Variants in ALPK3 observed in about 807,000 individuals in gnomAD.
ALPK3 encodes the protein alpha-protein kinase 3.
A neutral mutation model predicts 140.0 loss-of-function variants in ALPK3; 102 were observed. The ratio of observed to expected loss-of-function variants is 0.73; its 90% confidence interval spans 0.62 to 0.86. The LOEUF is 0.86. Among genes scored for constraint, ALPK3 ranks in the 40% least tolerant of loss-of-function variants. ALPK3 has a pLI of 0.00. For synonymous variants in ALPK3, 938 were observed against 898.5 expected, an observed-to-expected ratio of 1.04 and a Z score of -0.79; for missense variants, 2,254 against 2,208.2, an observed-to-expected ratio of 1.02 and a Z score of -0.42.
chr15:84,823,945 G>A (rs1288074453), intron 2 of ALPK3, among the ~76,000 whole-genome samples: 1 of 152,200 alleles, frequency 6.6e-6, no homozygotes, highest in African/African-American at 2.4e-5. Flanking sequence ...CTGGCTCCAA[G>A]GGATCCTCCT....
chr15:84,823,447 C>A, intron 2 of ALPK3, 79 bp downstream of exon 2: 1 of 1,501,696 alleles, frequency 6.7e-7, no homozygotes, highest in Non-Finnish European at 9.3e-7. Context: ...AGTGTCTGCT[C>A]GTGCACTAAC....
At chr15:84,860,096 C>T (rs764883944) in intron 9 of ALPK3, 24 bp downstream of exon 9, 23 of 1,613,464 alleles carry the variant, frequency 1.4e-5, no homozygotes, top group Middle Eastern at 1.6e-4. Context: ...CTGGGGAAGG[C>T]GGGGTGGTCC....
At position 84,873,254 on chromosome 15, in the gene ALPK3, C is replaced by T. The variant is rs1475130627; in HGVS notation, c.*4798C>T. On this transcript the variant is annotated 3_prime_UTR_variant, in exon 14 of 14. Transcript: ENST00000258888. ...AGGGGGTTGATGGGCTGGGTGCATG[C>T]CAGGGACCCAATCAAGCATTTTTAT... The T allele has an allele frequency of 6.6e-6, 1 of 152,150 alleles. No homozygotes were observed. Among genetic ancestry groups the T allele is most frequent in the East Asian group, 1.9e-4 (1 of 5,196 alleles). The allele number at this position is 152,150 out of a possible 1,614,324, so 9.4% of individuals were successfully genotyped here.
intron 3 of ALPK3, among the ~76,000 whole-genome samples, chr15:84,837,823 C>T (rs1462403583): frequency 6.6e-6 from 1 of 152,234 alleles, no homozygotes; most frequent in African/African-American, 2.4e-5. Context: ...CCATCTCTCA[C>T]TGTAGTGTTT....
At position 84,868,255 on chromosome 15, in the gene ALPK3, C is replaced by T. The variant is rs1193979581; in HGVS notation, c.4917C>T (p.Gly1639=). The change falls in exon 14 of 14, where the codon GGC becomes GGT. Residue 1639 remains glycine, a synonymous_variant. Coordinates refer to ENST00000258888, the MANE Select transcript of ALPK3 (RefSeq NM_020778.5). ...EAAHPQAKAK[G]SKSPSAGRKG... is the part of the protein sequence containing the mutation. ...CCCACCCCCAAGCCAAAGCCAAAGGCTCTAAGAGTCCATCTGCTGGCAGGA... is the reference window on the plus strand; with the variant it reads ...CCCACCCCCAAGCCAAAGCCAAAGGTTCTAAGAGTCCATCTGCTGGCAGGA... The T allele has an allele frequency of 2.5e-6, 4 of 1,614,070 alleles. No individual in the cohort carries two copies. Among genetic ancestry groups the T allele is most frequent in the Non-Finnish European group, 3.4e-6 (4 of 1,180,024 alleles).
At position 84,857,129 on chromosome 15, in the gene ALPK3, C is replaced by A. The variant is rs368089654; in HGVS notation, c.2391C>A (p.Asn797Lys). 7 of 1,614,038 alleles carry A rather than the reference C, an allele frequency of 4.3e-6. No individual in the cohort carries two copies. The highest frequency in any genetic ancestry group is 5.9e-6 in the Non-Finnish European group (7 of 1,179,996). ...EQTVLGPLSG[N>K]LMLPAQPPHE... ...CTGTGCTGGGTCCCCTGTCAGGGAA[C>A]CTCATGCTCCCAGCACAGCCGCCCC... The change falls in exon 6 of 14, where the codon AAC (asparagine) becomes AAA (lysine). Residue 797 changes from asparagine (N) to lysine (K), a missense_variant. By Grantham distance (94) the Asn-to-Lys change is moderately conservative (BLOSUM62 0). Coordinates refer to ENST00000258888, the MANE Select transcript of ALPK3 (RefSeq NM_020778.5).
chr15:84,846,248 A>G (rs899888130), intron 5 of ALPK3, among the ~76,000 whole-genome samples: 10 of 152,380 alleles, frequency 6.6e-5, no homozygotes, highest in African/African-American at 2.4e-4. Context: ...AACAAGAATC[A>G]GAGTCTTGTA....
At position 84,862,845 on chromosome 15, in the gene ALPK3, C is replaced by T; in HGVS notation, c.4340C>T (p.Ser1447Phe). Residue 1447 changes from serine to phenylalanine, a missense_variant, in exon 10 of 14, where the codon TCC (serine) becomes TTC (phenylalanine). Transcript: ENST00000258888. ...GGCCGCACGTGCATCATCAAGGTGT[C>T]CAGCCTGCTTGTGTTTGGGCCCAGC... ...ESGRTCIIKV[S>F]SLLVFGPSSE... 1.2e-6 allele frequency: 2 copies of T among 1,614,142 alleles called. No individual in the cohort carries two copies. Among genetic ancestry groups the T allele is most frequent in the Admixed American group, 1.7e-5 (1 of 60,018 alleles).
rs768053317 is a variant in ALPK3 at position 84,857,160 on chromosome 15, G to A, written c.2422G>A (p.Gly808Arg). 6.2e-7 allele frequency: 1 copy of A among 1,614,134 alleles called. No individual in the cohort carries two copies. Among genetic ancestry groups the A allele is most frequent in the Admixed American group, 1.7e-5 (1 of 60,016 alleles). ...LMLPAQPPHE[G>R]SVEQVGGERC... ...GCTCCCAGCACAGCCGCCCCATGAG[G>A]GGAGTGTGGAGCAGGTGGGAGGAGA... is the stretch of plus-strand genomic sequence containing the variant. Residue 808 changes from glycine to arginine, a missense_variant, in exon 6 of 14, where the codon GGG becomes AGG. This residue lies in a region of ALPK3 where 2,088 missense variants were observed against 2,022.9 expected (regional missense o/e 1.03). Coordinates refer to ENST00000258888, the MANE Select transcript of ALPK3 (RefSeq NM_020778.5).
At chr15:84,863,026 C>T in intron 10 of ALPK3, 111 bp downstream of exon 10, 1 of 1,418,454 alleles carries the variant, frequency 7.0e-7, no homozygotes, top group Non-Finnish European at 9.6e-7. Context: ...ATCTCAGTCT[C>T]AACCTTATGA....
At chr15:84,865,701 G>GTAAT (rs1963995790) in intron 12 of ALPK3, among the ~76,000 whole-genome samples, 1 of 152,240 alleles carries the variant, frequency 6.6e-6, no homozygotes, top group Admixed American at 6.5e-5. Context: ...GCTCACGCCT[G>GTAAT]TAATCCCAGC....
Position 84,872,468 on chromosome 15 carries a change from G to A in ALPK3, c.*4012G>A, listed in dbSNP as rs991766460. 2.6e-5 allele frequency: 4 copies of A among 152,246 alleles called. No homozygotes were observed. Among genetic ancestry groups the A allele is most frequent in the Non-Finnish European group, 5.9e-5 (4 of 68,068 alleles). 9.4% of individuals were successfully genotyped at this position (152,246 alleles called of 1,614,324 possible). On this transcript the variant is annotated 3_prime_UTR_variant, in exon 14 of 14. Coordinates refer to ENST00000258888, the MANE Select transcript of ALPK3 (RefSeq NM_020778.5). ...AGCTGCAATGCCTTCGCCTGCTCTA[G>A]GCCCACCCCAAAGCTGGCAGTCTTC...
intron 7 of ALPK3, 98 bp from the exon 8 acceptor site, chr15:84,859,678 G>A (rs937733403): frequency 2.7e-6 from 4 of 1,455,570 alleles, no homozygotes; most frequent in Non-Finnish European, 3.6e-6. Context: ...CTCAGAGCTG[G>A]GGTTCACAGC....
In ALPK3 at chr15:84,859,818, C is replaced by T; in HGVS notation, c.4008C>T (p.Ala1336=). The change falls in exon 8 of 14, where the codon GCC becomes GCT. Residue 1336 remains alanine (A), a synonymous_variant. Transcript: ENST00000258888. ...CGGCGGCCTTGGCCATCGTGCAGGCCTCCCCCGTAGACTGCGGTGTGTATC... is the reference window on the plus strand; with the variant it reads ...CGGCGGCCTTGGCCATCGTGCAGGCTTCCCCCGTAGACTGCGGTGTGTATC... ...EGPAALAIVQ[A]SPVDCGVYRC... 4 of 1,613,892 alleles carry T rather than the reference C, an allele frequency of 2.5e-6. No individual in the cohort carries two copies. The highest frequency in any genetic ancestry group is 1.3e-5 in the African/African-American group (1 of 75,074).
intron 5 of ALPK3, among the ~76,000 whole-genome samples, chr15:84,849,323 C>T (rs951879508): frequency 6.6e-6 from 1 of 152,118 alleles, no homozygotes; most frequent in Non-Finnish European, 1.5e-5. Flanking sequence ...TAGTTGGAGA[C>T]TTTAACACTC....
At chr15:84,865,865 C>T (rs547976236) in intron 12 of ALPK3, among the ~76,000 whole-genome samples, 3 of 152,204 alleles carry the variant, frequency 2.0e-5, no homozygotes, top group South Asian at 2.1e-4. Flanking sequence ...TGCTTGAACC[C>T]GGGAGGCAGA....
At chr15:84,859,127 G>A in intron 6 of ALPK3, 116 bp from the exon 7 acceptor site, 2 of 1,406,428 alleles carry the variant, frequency 1.4e-6, no homozygotes, top group South Asian at 1.4e-5. Flanking sequence ...TGGTAGGTCT[G>A]TGTGGAGACT....
In ALPK3 at chr15:84,870,523, G is replaced by A. The variant is rs983736646; in HGVS notation, c.*2067G>A. On this transcript the variant is annotated 3_prime_UTR_variant, in exon 14 of 14. Coordinates refer to ENST00000258888, the MANE Select transcript of ALPK3 (RefSeq NM_020778.5). ...CAGAAATGAACTTGGACCAACTTAAGCAAGGAAAAAGCGTTCATGGGAAGG... is the reference window on the plus strand; with the variant it reads ...CAGAAATGAACTTGGACCAACTTAAACAAGGAAAAAGCGTTCATGGGAAGG... 1 of 152,220 alleles carries A rather than the reference G, an allele frequency of 6.6e-6. No individual in the cohort carries two copies. The highest frequency in any genetic ancestry group is 2.4e-5 in the African/African-American group (1 of 41,442). The allele number at this position is 152,220 out of a possible 1,614,324, so 9.4% of individuals were successfully genotyped here.
chr15:84,861,058 C>T (rs1197103487), intron 9 of ALPK3, among the ~76,000 whole-genome samples: 1 of 152,162 alleles, frequency 6.6e-6, no homozygotes, highest in East Asian at 1.9e-4. Context: ...AACCTCAAAA[C>T]TAAGTAATAA....
Sources: allele counts gnomAD v4.1 joint callset (sites outside exome capture counted in the v4.1 genomes callset), GRCh38; gene constraint gnomAD v4.1.1; regional missense constraint gnomAD v4.1.1; transcripts MANE v1.5; gene names NCBI Gene and HGNC (gene_info 2026-07-23, HGNC 2026-07-21).